The following USP25 variants were observed in gnomAD, a reference collection of about 807,000 sequenced individuals.
USP25 encodes ubiquitin specific peptidase 25.
Under a neutral mutation model 158.5 loss-of-function variants are expected in USP25, and 85 were observed. The observed-to-expected ratio is 0.54, with a 90% confidence interval of 0.45 to 0.64. The LOEUF is 0.64. Ranked by LOEUF, USP25 falls within the 30% of genes least tolerant of loss-of-function variation. USP25 has a pLI of 0.00. For missense variants in USP25, 1,242 were observed against 1,327.3 expected (o/e 0.94, Z 1.00); for synonymous variants, 464 against 460.4 (o/e 1.01, Z -0.10).
intron 20 of USP25, among the ~76,000 whole-genome samples, chr21:15,856,416 C>G (rs148619664): frequency 1.3e-5 from 2 of 152,124 alleles, no homozygotes; most frequent in Non-Finnish European, 2.9e-5. Context: ...GGCTTACATT[C>G]AGGCATTCAT....
chr21:15,821,688 AT>A (rs1217211156), intron 10 of USP25, among the ~76,000 whole-genome samples: 2 of 152,008 alleles, frequency 1.3e-5, no homozygotes, highest in Non-Finnish European at 2.9e-5. Flanking sequence ...TTTAACTGGA[AT>A]AAAAAGTTTT....
At chr21:15,765,937 CTT>C (rs1568776387) in intron 2 of USP25, 58 bp from the exon 3 acceptor site, 2 of 1,534,436 alleles carry the variant, frequency 1.3e-6, no homozygotes, top group Admixed American at 4.1e-5. Flanking sequence ...TATTGTATAA[CTT>C]TTTTTGATGG....
At chr21:15,848,513 G>A (rs1460809587) in intron 19 of USP25, among the ~76,000 whole-genome samples, 1 of 151,420 alleles carries the variant, frequency 6.6e-6, no homozygotes, top group Non-Finnish European at 1.5e-5. Context: ...TTTTTGAACA[G>A]GAACACAGAG....
intron 4 of USP25, among the ~76,000 whole-genome samples, chr21:15,787,055 G>C (rs920936367): frequency 6.6e-6 from 1 of 152,034 alleles, no homozygotes; most frequent in Non-Finnish European, 1.5e-5. Context: ...CTTAACCAAA[G>C]AGATAAAAGA....
chr21:15,821,201 C>T (rs1426658387), intron 10 of USP25, among the ~76,000 whole-genome samples: 1 of 151,922 alleles, frequency 6.6e-6, no homozygotes, highest in African/African-American at 2.4e-5. Context: ...CATCTGTCCA[C>T]ACTGCCCCGA....
At chr21:15,847,549 A>C (rs1476512351) in intron 18 of USP25, 114 bp from the exon 19 acceptor site, 5 of 657,160 alleles carry the variant, frequency 7.6e-6, no homozygotes, top group Non-Finnish European at 1.3e-5. Context: ...AAAATAAGTC[A>C]TATGGATACA....
In USP25 at chr21:15,766,668, A is replaced by T. The variant is rs541234323; in HGVS notation, c.268+527A>T. Among the ~76,000 whole-genome samples the T allele has an allele frequency of 6.6e-6, 1 of 152,080 alleles. No individual in the cohort carries two copies. The highest frequency in any genetic ancestry group is 1.5e-5 in the Non-Finnish European group (1 of 67,950). On this transcript the variant is annotated intron_variant, in intron 3 of 25. Coordinates refer to ENST00000400183, the MANE Select transcript of USP25 (RefSeq NM_001283041.3). The surrounding 1 kb of genome is among the most constrained non-coding windows in gnomAD (Gnocchi z 4.0). The stretch of plus-strand genomic sequence containing the variant: ...TTGGAAAAAGTGTTTTGGAGATACA[A>T]ATACGTACATGTGGAAGATTCTATG...
chr21:15,808,616 G>A (rs1237343195), intron 7 of USP25, among the ~76,000 whole-genome samples, 193 bp from the exon 8 acceptor site: 1 of 151,276 alleles, frequency 6.6e-6, no homozygotes, highest in African/African-American at 2.4e-5. Flanking sequence ...TATAATGCTT[G>A]TTTTTTCAAA....
At chr21:15,762,848 C>T in intron 1 of USP25, 43 bp from the exon 2 acceptor site, 1 of 1,535,618 alleles carries the variant, frequency 6.5e-7, no homozygotes, top group Non-Finnish European at 8.8e-7. Flanking sequence ...AGTATATTTT[C>T]AGAGTTGAGA....
At chr21:15,853,294 CAT>C (rs934480324) in intron 20 of USP25, among the ~76,000 whole-genome samples, 19 of 151,116 alleles carry the variant, frequency 1.3e-4, no homozygotes, top group African/African-American at 2.9e-4. Flanking sequence ...CATGTGTACA[CAT>C]GTGTACACAC....
At chr21:15,741,785 T>C (rs945012503) in intron 1 of USP25, among the ~76,000 whole-genome samples, 6 of 152,218 alleles carry the variant, frequency 3.9e-5, no homozygotes, top group African/African-American at 1.4e-4. Context: ...AGTGCTAATA[T>C]GTTCACAAAA....
intron 17 of USP25, among the ~76,000 whole-genome samples, chr21:15,835,431 T>C (rs894874959): frequency 1.3e-5 from 2 of 150,964 alleles, no homozygotes; most frequent in Non-Finnish European, 3.0e-5. Context: ...TCATTTTACA[T>C]TTGTCATCTT....
intron 3 of USP25, among the ~76,000 whole-genome samples, chr21:15,777,192 G>A (rs997279716): frequency 2.6e-5 from 4 of 152,182 alleles, no homozygotes; most frequent in African/African-American, 9.7e-5. Context: ...TTTATTAGAA[G>A]AGGGCTTGTT....
Position 15,843,373 on chromosome 21 carries a change from T to C in USP25, c.2337+833T>C, listed in dbSNP as rs2038431137. On this transcript the variant is annotated intron_variant, in intron 18 of 25. Transcript: ENST00000400183. This position sits in a 1 kb window ranked among gnomAD's most constrained non-coding sequence, Gnocchi z 4.0. ...AATTTTACAACACGTAATTTTCTGC[T>C]TAGTAAGTGAATTCAGTGCCAGCAA... Among the ~76,000 whole-genome samples the C allele has an allele frequency of 6.6e-6, 1 of 152,208 alleles. No individual in the cohort carries two copies. Among genetic ancestry groups the C allele is most frequent in the African/African-American group, 2.4e-5 (1 of 41,450 alleles).
chr21:15,745,473 C>CTTTTTTTTTTTTTTTTT (rs11284817), intron 1 of USP25, among the ~76,000 whole-genome samples: 202 of 112,970 alleles, frequency 1.8e-3, no homozygotes, highest in Middle Eastern at 6.6e-3. Flanking sequence ...TTTTTCTTTT[C>CTTTTTTTTTTTTTTTTT]TTTTTTTTTT....
At position 15,799,744 on chromosome 21, in the gene USP25, T is replaced by G; in HGVS notation, c.556-13T>G. On this transcript the variant is annotated splice_polypyrimidine_tract_variant and intron_variant, in intron 5 of 25. Transcript: ENST00000400183. ...TTTCCCTCAGGTTATGTTAAATTGTTGTTCTTTTTCAGTCATTATTTAATC... is the reference window on the plus strand; with the variant it reads ...TTTCCCTCAGGTTATGTTAAATTGTGGTTCTTTTTCAGTCATTATTTAATC... 1 of 1,557,712 alleles carries G rather than the reference T, an allele frequency of 6.4e-7. No homozygotes were observed. Among genetic ancestry groups the G allele is most frequent in the Non-Finnish European group, 8.8e-7 (1 of 1,141,322 alleles).
chr21:15,731,212 A>C (rs1340899158), intron 1 of USP25, among the ~76,000 whole-genome samples: 1 of 152,096 alleles, frequency 6.6e-6, no homozygotes, highest in Non-Finnish European at 1.5e-5. Context: ...CTGCTATTTT[A>C]GATTTTGCTT....
Position 15,866,335 on chromosome 21 carries a change from G to A in USP25, c.2796G>A (p.Glu932=), listed in dbSNP as rs754309005. The change falls in exon 22 of 26, where the codon GAG becomes GAA. Residue 932 remains glutamate (E), a synonymous_variant. Transcript: ENST00000400183. ...TAAAACCTGAAGAAGTAAACTTGGA[G>A]GAATATGAGGTAATGTGCTTTCTTA... ...EMIKPEEVNL[E]EYEEWHQDYR... 6.2e-7 allele frequency: 1 copy of A among 1,602,360 alleles called. No homozygotes were observed. Among genetic ancestry groups the A allele is most frequent in the Non-Finnish European group, 8.5e-7 (1 of 1,174,386 alleles).
In USP25 at chr21:15,824,256, A is replaced by G. The variant is rs573089768; in HGVS notation, c.1208+90A>G. ...GAGGAAAATTCTGCATAATTTTCTT[A>G]GAATTAATTTCTACTTTTGCATAAT... is the stretch of plus-strand genomic sequence containing the variant. On this transcript the variant is annotated intron_variant, in intron 11 of 25. Transcript: ENST00000400183. 1.7e-5 allele frequency: 25 copies of G among 1,487,374 alleles called. No homozygotes were observed. The East Asian group carries it at 3.7e-4, about 22-fold the overall frequency. The allele number at this position is 1,487,374 out of a possible 1,614,324, so 92.1% of individuals were successfully genotyped here.
Sources: allele counts gnomAD v4.1 joint callset (sites outside exome capture counted in the v4.1 genomes callset), GRCh38; gene constraint gnomAD v4.1.1; non-coding constraint Gnocchi (gnomAD v3.1); transcripts MANE v1.5; gene names NCBI Gene and HGNC (gene_info 2026-07-23, HGNC 2026-07-21).